DTNB: variants seen among roughly 807,000 people sequenced by gnomAD.
The protein encoded by DTNB is dystrobrevin beta, also known as DTN-B.
In DTNB, 63 loss-of-function variants were observed where a neutral mutation model predicts 90.7. The ratio of observed to expected loss-of-function variants is 0.69; its 90% confidence interval spans 0.57 to 0.86. The LOEUF is 0.86. Ranked by LOEUF, DTNB falls within the 40% of genes least tolerant of loss-of-function variation. The probability of loss-of-function intolerance (pLI) is 0.00; values close to 1 mark genes in which losing one functional copy is unlikely to be tolerated. For missense variants in DTNB, 744 were observed against 807.1 expected (o/e 0.92, Z 0.95); for synonymous variants, 277 against 286.7 (o/e 0.97, Z 0.34).
chr2:25,667,978 G>A (rs1282703364), intron 1 of DTNB, among the ~76,000 whole-genome samples: 1 of 152,210 alleles, frequency 6.6e-6, no homozygotes, highest in African/African-American at 2.4e-5. Flanking sequence ...GGTGGCTCAC[G>A]CATGTAATCC....
At chr2:25,556,921 A>G (rs1171277437) in intron 8 of DTNB, among the ~76,000 whole-genome samples, 1 of 152,246 alleles carries the variant, frequency 6.6e-6, no homozygotes, top group African/African-American at 2.4e-5. Context: ...GAAGACATAA[A>G]TAAGAGTCTC....
intron 5 of DTNB, 168 bp from the exon 6 acceptor site, chr2:25,596,408 G>T (rs887923296): frequency 1.5e-6 from 1 of 683,272 alleles, no homozygotes; most frequent in Admixed American, 4.1e-5. Context: ...TTAACACTGT[G>T]TGGCTACCCT....
intron 9 of DTNB, among the ~76,000 whole-genome samples, chr2:25,491,571 G>A (rs905388107): frequency 2.0e-5 from 3 of 152,050 alleles, no homozygotes; most frequent in Admixed American, 6.6e-5. Context: ...CTCCAAAAAT[G>A]GGATGACATT....
intron 16 of DTNB, among the ~76,000 whole-genome samples, chr2:25,400,228 A>T (rs1157435793): frequency 6.6e-6 from 1 of 152,248 alleles, no homozygotes; most frequent in Non-Finnish European, 1.5e-5. Context: ...CATTCCTGAC[A>T]TGCTGACAAT....
chr2:25,553,054 G>A (rs1206080124), intron 8 of DTNB, among the ~76,000 whole-genome samples: 1 of 150,976 alleles, frequency 6.6e-6, no homozygotes, highest in Non-Finnish European at 1.5e-5. Flanking sequence ...TAGAGACGGG[G>A]TTTCACCTTG....
chr2:25,443,087 C>A (rs1558544768), intron 12 of DTNB, among the ~76,000 whole-genome samples: 1 of 152,090 alleles, frequency 6.6e-6, no homozygotes, highest in Non-Finnish European at 1.5e-5. Flanking sequence ...AAAAATTAAA[C>A]AATAATCAAA....
intron 5 of DTNB, among the ~76,000 whole-genome samples, chr2:25,600,486 G>A (rs750353862): frequency 6.6e-6 from 1 of 152,242 alleles, no homozygotes; most frequent in African/African-American, 2.4e-5. Flanking sequence ...ACAGCCATAA[G>A]TCAGGGTACC....
intron 8 of DTNB, among the ~76,000 whole-genome samples, chr2:25,576,216 GTTTTGTT>G (rs1159206595): frequency 7.7e-6 from 1 of 130,272 alleles, no homozygotes; most frequent in African/African-American, 2.9e-5. Context: ...CCCTTGAACA[GTTTTGTT>G]TTTTTTTTTT....
intron 9 of DTNB, among the ~76,000 whole-genome samples, chr2:25,506,045 A>T (rs1309392700): frequency 6.6e-6 from 1 of 152,190 alleles, no homozygotes; most frequent in East Asian, 1.9e-4. Context: ...GACACAGACA[A>T]ATATCACATA....
intron 16 of DTNB, among the ~76,000 whole-genome samples, chr2:25,408,891 T>C (rs965786023): frequency 2.0e-5 from 3 of 152,136 alleles, no homozygotes; most frequent in African/African-American, 7.2e-5. Flanking sequence ...TTTGACGAAA[T>C]GCCTCCAGAT....
chr2:25,468,744 T>C (rs986319983), intron 10 of DTNB, among the ~76,000 whole-genome samples: 3 of 152,214 alleles, frequency 2.0e-5, no homozygotes, highest in African/African-American at 7.2e-5. Flanking sequence ...GCACTTTTTG[T>C]GTGTTCTTGG....
chr2:25,411,591 G>A (rs2046626010), intron 16 of DTNB, among the ~76,000 whole-genome samples: 1 of 152,070 alleles, frequency 6.6e-6, no homozygotes, highest in Admixed American at 6.6e-5. Flanking sequence ...AGGTTTGTGG[G>A]AGAGTCCTAC....
chr2:25,582,291 G>A (rs764669904), intron 6 of DTNB, among the ~76,000 whole-genome samples: 12 of 152,086 alleles, frequency 7.9e-5, no homozygotes, highest in South Asian at 2.1e-4. Context: ...ACCAACCACC[G>A]GAACCTCCCA....
In DTNB at chr2:25,649,594, C is replaced by G. The variant is rs576201951; in HGVS notation, c.67+3000G>C. On this transcript the variant is annotated intron_variant, in intron 2 of 20. Transcript: ENST00000406818. ...ATTAGCCAGGCCTGCTGGCACACGCCTGTAGTCCCAGATACTCAGAAGGCT... is the reference window on the plus strand; with the variant it reads ...ATTAGCCAGGCCTGCTGGCACACGCGTGTAGTCCCAGATACTCAGAAGGCT... Among the ~76,000 whole-genome samples the G allele has an allele frequency of 3.5e-3, 531 of 152,232 alleles. 2 individuals are homozygous for G. The highest frequency in any genetic ancestry group is 0.012 in the African/African-American group (509 of 41,534).
At chr2:25,465,532 T>A (rs1420341346) in intron 10 of DTNB, among the ~76,000 whole-genome samples, 1 of 152,232 alleles carries the variant, frequency 6.6e-6, no homozygotes, top group Non-Finnish European at 1.5e-5. Flanking sequence ...CCCTGTGTGA[T>A]CTGGCCCCTT....
intron 6 of DTNB, among the ~76,000 whole-genome samples, chr2:25,584,470 GTTAT>G (rs1422914088): frequency 2.0e-5 from 3 of 151,862 alleles, no homozygotes; most frequent in East Asian, 1.9e-4. Flanking sequence ...TTTTGAAATA[GTTAT>G]TTGTCATAAA....
At chr2:25,589,650 G>A (rs2063176517) in intron 6 of DTNB, among the ~76,000 whole-genome samples, 1 of 152,082 alleles carries the variant, frequency 6.6e-6, no homozygotes, top group African/African-American at 2.4e-5. Context: ...GGGATTACAG[G>A]CGTGAGCCAC....
At chr2:25,446,239 G>A (rs1426183328) in intron 12 of DTNB, among the ~76,000 whole-genome samples, 3 of 151,950 alleles carry the variant, frequency 2.0e-5, no homozygotes, top group African/African-American at 7.3e-5. Context: ...GTAATCGACT[G>A]TTTTATTTAA....
intron 10 of DTNB, among the ~76,000 whole-genome samples, chr2:25,472,649 C>A (rs950922522): frequency 5.3e-5 from 8 of 152,076 alleles, no homozygotes; most frequent in Non-Finnish European, 1.2e-4. Flanking sequence ...TTTTGGAGGC[C>A]GAGGTAGGTA....
Sources: allele counts gnomAD v4.1 joint callset (sites outside exome capture counted in the v4.1 genomes callset), GRCh38; gene constraint gnomAD v4.1.1; transcripts MANE v1.5; gene names NCBI Gene and HGNC (gene_info 2026-07-23, HGNC 2026-07-21).